P2RY2: variants seen among roughly 807,000 people sequenced by gnomAD.
P2RY2 encodes purinergic receptor P2Y2.
For synonymous variants in P2RY2, 241 were observed against 231.9 expected, an observed-to-expected ratio of 1.04 and a Z score of -0.35; for missense variants, 567 against 515.7, an observed-to-expected ratio of 1.10 and a Z score of -0.96.
At position 73,233,256 on chromosome 11, in the gene P2RY2, A is replaced by G. The variant is rs531982889; in HGVS notation, c.-4-900A>G. ...AGGGGCAGGACTGCTGTTGATAGATATAGAAAGTGCCAGAATAGAGGAAGA... is the reference window on the plus strand; with the variant it reads ...AGGGGCAGGACTGCTGTTGATAGATGTAGAAAGTGCCAGAATAGAGGAAGA... On this transcript the variant is annotated intron_variant, in intron 2 of 2. Transcript: ENST00000393597. 5.1e-4 allele frequency among the ~76,000 whole-genome samples: 77 copies of G among 152,364 alleles called. No individual in the cohort carries two copies. The South Asian group carries it at 9.3e-3, about 18-fold the overall frequency.
intron 2 of P2RY2, among the ~76,000 whole-genome samples, chr11:73,232,793 T>C (rs1034087964): frequency 2.0e-5 from 3 of 152,136 alleles, no homozygotes; most frequent in Non-Finnish European, 4.4e-5. Flanking sequence ...TGCTAGAAAG[T>C]GCTTTTTTGT....
Position 73,234,978 on chromosome 11 carries a change from G to T in P2RY2, c.819G>T (p.Ser273=), listed in dbSNP as rs752944917. 6 of 1,609,536 alleles carry T rather than the reference G, an allele frequency of 3.7e-6. No homozygotes were observed. The African/African-American group carries it at 8.0e-5, about 21-fold the overall frequency. Residue 273 remains serine, a synonymous_variant, in exon 3 of 3, where the codon TCG becomes TCT. Transcript: ENST00000393597. ...VTRTLYYSFR[S]LDLSCHTLNA... ...GCACCCTCTACTACTCCTTCCGCTC[G>T]CTGGACCTCAGCTGCCACACCCTCA...
intron 2 of P2RY2, among the ~76,000 whole-genome samples, chr11:73,233,355 G>A (rs1394917081): frequency 6.6e-6 from 1 of 152,364 alleles, no homozygotes. Flanking sequence ...CACTAGGCAT[G>A]GGCCCAGAGC....
In P2RY2 at chr11:73,234,830, G is replaced by C; in HGVS notation, c.671G>C (p.Arg224Pro). The change falls in exon 3 of 3, where the codon CGA becomes CCA. Residue 224 changes from arginine to proline, a missense_variant. Physicochemically the swap from Arg to Pro is moderately radical, Grantham distance 103 (BLOSUM62 -2). Coordinates refer to ENST00000393597, the MANE Select transcript of P2RY2 (RefSeq NM_002564.4). ...GTCTGTTACGTGCTCATGGCTCGGC[G>C]ACTGCTAAAGCCAGCCTACGGGACC... is the stretch of plus-strand genomic sequence containing the variant. ...ILVCYVLMAR[R>P]LLKPAYGTSG... is the part of the protein sequence containing the mutation. 1 of 1,611,158 alleles carries C rather than the reference G, an allele frequency of 6.2e-7. No homozygotes were observed. The highest frequency in any genetic ancestry group is 1.1e-5 in the South Asian group (1 of 91,082).
intron 2 of P2RY2, among the ~76,000 whole-genome samples, chr11:73,229,322 G>A (rs1014165268): frequency 6.6e-6 from 1 of 152,258 alleles, no homozygotes; most frequent in Admixed American, 6.5e-5. Flanking sequence ...GGTCTTACAA[G>A]GCTCACATCT....
At chr11:73,226,807 C>T (rs1862291056) in intron 1 of P2RY2, among the ~76,000 whole-genome samples, 1 of 152,094 alleles carries the variant, frequency 6.6e-6, no homozygotes, top group Admixed American at 6.5e-5. Context: ...CAAGGTGAGA[C>T]AAAAACCACG....
Position 73,235,010 on chromosome 11 carries a change from T to C in P2RY2, c.851T>C (p.Ile284Thr). The C allele has an allele frequency of 1.2e-6, 2 of 1,609,042 alleles. No individual in the cohort carries two copies. The highest frequency in any genetic ancestry group is 1.7e-6 in the Non-Finnish European group (2 of 1,179,960). ...LDLSCHTLNA[I>T]NMAYKVTRPL... Reference sequence around the variant, plus strand: ...CTCAGCTGCCACACCCTCAACGCCATCAACATGGCCTACAAGGTTACCCGG... The same window carrying C: ...CTCAGCTGCCACACCCTCAACGCCACCAACATGGCCTACAAGGTTACCCGG... The change falls in exon 3 of 3, where the codon ATC becomes ACC. Residue 284 changes from isoleucine (I) to threonine (T), a missense_variant. By Grantham distance (89) the Ile-to-Thr change is moderately conservative (BLOSUM62 -1). Transcript: ENST00000393597.
Position 73,234,426 on chromosome 11 carries a change from G to A in P2RY2, c.267G>A (p.Leu89=). The A allele has an allele frequency of 6.2e-7, 1 of 1,614,176 alleles. No individual in the cohort carries two copies. Among genetic ancestry groups the A allele is most frequent in the Non-Finnish European group, 8.5e-7 (1 of 1,180,030 alleles). ...TGTATGCGGCCTCCCTGCCGCTGCTGGTCTATTACTACGCCCGCGGCGACC... is the reference window on the plus strand; with the variant it reads ...TGTATGCGGCCTCCCTGCCGCTGCTAGTCTATTACTACGCCCGCGGCGACC... ...DALYAASLPL[L]VYYYARGDHW... Residue 89 remains leucine, a synonymous_variant, in exon 3 of 3, where the codon CTG becomes CTA. Transcript: ENST00000393597.
rs1862627272 is a variant in P2RY2, at chr11:73,235,518, G to A, written c.*225G>A. On this transcript the variant is annotated 3_prime_UTR_variant, in exon 3 of 3. Transcript: ENST00000393597. ...TGTGTGTATAAGTTGGGGGAATTAA[G>A]TTTCAAGAAAGGCAAGAGCTCAAGG... 1 of 1,274,556 alleles carries A rather than the reference G, an allele frequency of 7.8e-7. No homozygotes were observed. Among genetic ancestry groups the A allele is most frequent in the African/African-American group, 1.5e-5 (1 of 65,312 alleles). 79.0% of individuals were successfully genotyped at this position (1,274,556 alleles called of 1,614,324 possible).
At chr11:73,231,639 T>C (rs1431551885) in intron 2 of P2RY2, among the ~76,000 whole-genome samples, 5 of 152,118 alleles carry the variant, frequency 3.3e-5, no homozygotes, top group Admixed American at 6.5e-5. Context: ...TCTCAGCCTC[T>C]TGGGCCTTGA....
rs148668431 is a variant in P2RY2, at chr11:73,233,956, C to A, written c.-4-200C>A. 3.9e-3 allele frequency: 2,438 copies of A among 631,406 alleles called. 38 individuals carry two copies. In the African/African-American group the frequency reaches 0.04, roughly 10 times the overall value. 39.1% of individuals were successfully genotyped at this position (631,406 alleles called of 1,614,324 possible). ...GGCCTTTGGACTATAGTTTGTCTAC[C>A]CCTGTTCTCAAGTTTGACAATTGTG... On this transcript the variant is annotated intron_variant, in intron 2 of 2. Coordinates refer to ENST00000393597, the MANE Select transcript of P2RY2 (RefSeq NM_002564.4).
At chr11:73,232,578 T>C (rs1429869218) in intron 2 of P2RY2, among the ~76,000 whole-genome samples, 3 of 151,974 alleles carry the variant, frequency 2.0e-5, no homozygotes, top group African/African-American at 4.8e-5. Flanking sequence ...ATTTTGTGTG[T>C]GTGTATTTTT....
intron 2 of P2RY2, among the ~76,000 whole-genome samples, chr11:73,232,155 TC>T (rs1467900953): frequency 6.6e-6 from 1 of 152,068 alleles, no homozygotes; most frequent in African/African-American, 2.4e-5. Context: ...CTTTCCACCC[TC>T]CCAGACACAC....
chr11:73,221,546 A>G (rs1410751422), intron 1 of P2RY2, among the ~76,000 whole-genome samples: 1 of 152,174 alleles, frequency 6.6e-6, no homozygotes, highest in Admixed American at 6.5e-5. Context: ...ACGCCTGCCC[A>G]GACCTGCCCA....
At position 73,236,073 on chromosome 11, in the gene P2RY2, G is replaced by A. The variant is rs1044825187; in HGVS notation, c.*780G>A. ...TGTCTCAGGAGTAGTCTCATATCAGGGATCCTCTCTCCAGGCCCCAGGTCA... is the reference window on the plus strand; with the variant it reads ...TGTCTCAGGAGTAGTCTCATATCAGAGATCCTCTCTCCAGGCCCCAGGTCA... On this transcript the variant is annotated 3_prime_UTR_variant, in exon 3 of 3. Transcript: ENST00000393597. The A allele has an allele frequency of 2.0e-6, 2 of 997,422 alleles. No individual in the cohort carries two copies. Among genetic ancestry groups the A allele is most frequent in the Non-Finnish European group, 2.4e-6 (2 of 827,582 alleles). The allele number at this position is 997,422 out of a possible 1,614,324, so 61.8% of individuals were successfully genotyped here.
Position 73,236,996 on chromosome 11 carries a change from ACTCTGCCTGCCCC to A in P2RY2, c.*1709_*1721del, listed in dbSNP as rs1180645305. The A allele has an allele frequency of 1.4e-5, 14 of 984,664 alleles. No individual in the cohort carries two copies. The highest frequency in any genetic ancestry group is 6.2e-5 in the Admixed American group (1 of 16,232). The allele number at this position is 984,664 out of a possible 1,614,324, so 61.0% of individuals were successfully genotyped here. A position where few individuals can be genotyped will look rare whatever the true frequency, so the allele number is the denominator to read the frequency against. The stretch of plus-strand genomic sequence containing the variant: ...TGGGAGAGCCCTCGCCCTGTGGCCC[ACTCTGCCTGCCCC>A]CTCTGACCTCTCCACCCTTCCCACT... On this transcript the variant is annotated 3_prime_UTR_variant, in exon 3 of 3. Transcript: ENST00000393597.
chr11:73,233,170 A>G (rs1453918520), intron 2 of P2RY2, among the ~76,000 whole-genome samples: 1 of 152,198 alleles, frequency 6.6e-6, no homozygotes, highest in East Asian at 1.9e-4. Context: ...TCCAACCCAG[A>G]TTTCCCTGGA....
At chr11:73,233,945 A>C in intron 2 of P2RY2, 1 of 599,544 alleles carries the variant, frequency 1.7e-6, no homozygotes, top group East Asian at 2.8e-5. Context: ...TTTGGACTAT[A>C]GTTTGTCTAC....
At position 73,242,179 on chromosome 11, in the gene P2RY2, G is replaced by A. The variant is rs1395018518; in HGVS notation, c.*6886G>A. 1 of 152,108 alleles carries A rather than the reference G, an allele frequency of 6.6e-6. No individual in the cohort carries two copies. Among genetic ancestry groups the A allele is most frequent in the Non-Finnish European group, 1.5e-5 (1 of 68,038 alleles). 9.4% of individuals were successfully genotyped at this position (152,108 alleles called of 1,614,324 possible). On this transcript the variant is annotated 3_prime_UTR_variant, in exon 3 of 3. Coordinates refer to ENST00000393597, the MANE Select transcript of P2RY2 (RefSeq NM_002564.4). ...GAAAGCGGGCTATTTTACCCCATGT[G>A]TCCTCAGATTTATGTCCTGGAACCA... is the stretch of plus-strand genomic sequence containing the variant.
Sources: allele counts gnomAD v4.1 joint callset (sites outside exome capture counted in the v4.1 genomes callset), GRCh38; gene constraint gnomAD v4.1.1; transcripts MANE v1.5; gene names NCBI Gene and HGNC (gene_info 2026-07-23, HGNC 2026-07-21).